The following STK32B variants were observed in gnomAD, a reference collection of about 807,000 sequenced individuals.
The protein encoded by STK32B is serine/threonine kinase 32B, also known as serine/threonine-protein kinase 32B.
A neutral mutation model predicts 52.6 loss-of-function variants in STK32B; 43 were observed. The ratio of observed to expected loss-of-function variants is 0.82; its 90% CI spans 0.64 to 1.05. The LOEUF (loss-of-function observed/expected upper bound fraction) is 1.05, where lower values mean the gene tolerates loss of function less well. STK32B is among the 50% of genes least tolerant of loss of function. The probability of loss-of-function intolerance (pLI) is 0.00; values close to 1 mark genes in which losing one functional copy is unlikely to be tolerated. For synonymous variants in STK32B, 238 were observed against 204.3 expected, an observed-to-expected ratio of 1.17 and a Z score of -1.41; for missense variants, 621 against 534.6, an observed-to-expected ratio of 1.16 and a Z score of -1.59.
At chr4:5,366,490 C>T (rs1734886887) in intron 4 of STK32B, among the ~76,000 whole-genome samples, 1 of 152,110 alleles carries the variant, frequency 6.6e-6, no homozygotes, top group African/African-American at 2.4e-5. Context: ...CCGTTGCTGA[C>T]AGTGGAGATG....
chr4:5,436,460 T>G, intron 6 of STK32B: 3 of 323,718 alleles, frequency 9.3e-6, no homozygotes, highest in Non-Finnish European at 1.3e-5. Context: ...GCCACCGTGA[T>G]GGGAAGATCT....
intron 5 of STK32B, 122 bp from the exon 6 acceptor site, chr4:5,416,723 T>C (rs1231517098): frequency 2.9e-6 from 2 of 684,078 alleles, no homozygotes; most frequent in South Asian, 2.2e-5. Context: ...TCAGATACGA[T>C]AGTATTATAA....
At chr4:5,317,556 T>TAA (rs1202513416) in intron 3 of STK32B, among the ~76,000 whole-genome samples, 1 of 124,756 alleles carries the variant, frequency 8.0e-6, no homozygotes, top group Non-Finnish European at 1.6e-5. Flanking sequence ...TATATATATA[T>TAA]ATAACTTGAA....
chr4:5,448,936 T>C (rs112398790), intron 7 of STK32B, among the ~76,000 whole-genome samples: 4,840 of 149,434 alleles, frequency 0.032, 117 homozygotes, highest in Non-Finnish European at 0.053. Context: ...TATTTATCCA[T>C]GGACTACGTA....
chr4:5,267,157 A>G (rs1727105080), intron 3 of STK32B, among the ~76,000 whole-genome samples: 1 of 152,138 alleles, frequency 6.6e-6, no homozygotes, highest in South Asian at 2.1e-4. Flanking sequence ...ATTTGCAGTC[A>G]TCTTGTTGAA....
chr4:5,069,491 A>G (rs1225921121), intron 1 of STK32B, among the ~76,000 whole-genome samples: 2 of 152,168 alleles, frequency 1.3e-5, no homozygotes, highest in Non-Finnish European at 2.9e-5. Context: ...ATCTTTCAGC[A>G]GGGATGCTCC....
chr4:5,464,278 G>A (rs1460596109), intron 9 of STK32B, among the ~76,000 whole-genome samples: 2 of 152,214 alleles, frequency 1.3e-5, no homozygotes, highest in South Asian at 4.1e-4. Flanking sequence ...ATTTGCAGGG[G>A]ACAGGCAAGT....
rs953689996 is a variant in STK32B at position 5,205,926 on chromosome 4, T to C, written c.260+37476T>C. ...GATCCTGGGCCAAAGGAATGGAAGA[T>C]ACTTTAATTAGTCCACTTGGGCTGC... On this transcript the variant is annotated intron_variant, in intron 3 of 11. Transcript: ENST00000282908. Among the ~76,000 whole-genome samples the C allele has an allele frequency of 6.0e-4, 92 of 152,190 alleles. 7 individuals carry two copies. Among genetic ancestry groups the C allele is most frequent in the Non-Finnish European group, 5.9e-5 (4 of 68,036 alleles).
chr4:5,077,090 A>G (rs1474016298), intron 1 of STK32B, among the ~76,000 whole-genome samples: 1 of 152,180 alleles, frequency 6.6e-6, no homozygotes, highest in East Asian at 1.9e-4. Context: ...TGTAAGCTCC[A>G]TGTGGGCAAG....
chr4:5,185,510 G>A (rs938536894), intron 3 of STK32B, among the ~76,000 whole-genome samples: 1 of 152,204 alleles, frequency 6.6e-6, no homozygotes, highest in Non-Finnish European at 1.5e-5. Flanking sequence ...AGGCAGAGCC[G>A]ATCTGGCTGA....
chr4:5,086,148 T>C (rs900662763), intron 1 of STK32B, among the ~76,000 whole-genome samples: 1 of 152,198 alleles, frequency 6.6e-6, no homozygotes, highest in East Asian at 1.9e-4. Flanking sequence ...CTTCTGTCTA[T>C]TTCTGGGAAT....
intron 11 of STK32B, among the ~76,000 whole-genome samples, chr4:5,489,077 C>A (rs1360148785): frequency 6.6e-6 from 1 of 152,108 alleles, no homozygotes; most frequent in East Asian, 1.9e-4. Context: ...TGAACGAGAA[C>A]CAGTTTATAA....
chr4:5,135,211 A>G (rs1012274825), intron 1 of STK32B, among the ~76,000 whole-genome samples: 2 of 152,260 alleles, frequency 1.3e-5, no homozygotes, highest in Non-Finnish European at 2.9e-5. Context: ...TAAATGCTTA[A>G]CCTTTATTAA....
Position 5,168,325 on chromosome 4 carries a change from TAA to T in STK32B, c.136_137del (p.Lys46GlufsTer18). ...KVCIVQKRDT[K>X]KMYAMKYMNK... is the part of the protein sequence containing the mutation. ...TATGCATCGTGCAGAAGCGAGACAC[TAA>T]GAAAATGTATGCAATGAAGTACATG... On this transcript the variant is annotated frameshift_variant, in exon 3 of 12. Transcript: ENST00000282908. LOFTEE classifies it high-confidence loss of function. The T allele has an allele frequency of 6.2e-7, 1 of 1,613,948 alleles. No homozygotes were observed. The highest frequency in any genetic ancestry group is 8.5e-7 in the Non-Finnish European group (1 of 1,179,978).
intron 6 of STK32B, among the ~76,000 whole-genome samples, chr4:5,441,479 A>G (rs1453616526): frequency 6.6e-6 from 1 of 150,646 alleles, no homozygotes; most frequent in South Asian, 2.2e-4. Flanking sequence ...TATTGCATCT[A>G]TTTGATTCTT....
At chr4:5,165,050 G>A (rs112870234) in intron 2 of STK32B, among the ~76,000 whole-genome samples, 4 of 152,284 alleles carry the variant, frequency 2.6e-5, no homozygotes, top group South Asian at 4.1e-4. Flanking sequence ...CTGACTCCTG[G>A]TGTAGCTCTC....
chr4:5,201,098 G>A (rs1282867073), intron 3 of STK32B, among the ~76,000 whole-genome samples: 2 of 152,180 alleles, frequency 1.3e-5, no homozygotes, highest in Non-Finnish European at 2.9e-5. Context: ...GCTCAGCAAT[G>A]GAAAGTCAGG....
chr4:5,163,054 G>A (rs66471422), intron 2 of STK32B, among the ~76,000 whole-genome samples: 1 of 152,054 alleles, frequency 6.6e-6, no homozygotes, highest in African/African-American at 2.4e-5. Context: ...ATGATAGACC[G>A]AGCATGTATG....
At chr4:5,360,022 T>C (rs1297753633) in intron 4 of STK32B, among the ~76,000 whole-genome samples, 1 of 152,184 alleles carries the variant, frequency 6.6e-6, no homozygotes, top group Non-Finnish European at 1.5e-5. Context: ...GTGTGGAAGA[T>C]GGACTACAGG....
Sources: gnomAD v4.1 joint callset for allele counts (sites outside exome capture counted in the v4.1 genomes callset) on GRCh38, gnomAD v4.1.1 for gene constraint, MANE v1.5 for transcripts, NCBI Gene and HGNC (gene_info 2026-07-23, HGNC 2026-07-21) for gene names.